Variants in FCRL2 observed in about 807,000 individuals in gnomAD.
FCRL2 encodes the protein Fc receptor like 2, also known as Fc receptor-like protein 2.
FCRL2 carries 48 observed loss-of-function variants against 59.8 expected under a neutral mutation model. That is an observed-to-expected ratio of 0.80 (90% CI 0.64 to 1.02). FCRL2 has a LOEUF of 1.02. Ranked by LOEUF, FCRL2 falls within the 50% of genes least tolerant of loss-of-function variation. FCRL2 has a pLI of 0.00. For synonymous variants in FCRL2, 251 were observed against 229.5 expected (o/e 1.09, Z -0.85); for missense variants, 658 against 597.3 (o/e 1.10, Z -1.06).
chr1:157,767,648 T>G, intron 5 of FCRL2, 139 bp from the exon 6 acceptor site: 1 of 1,605,862 alleles, frequency 6.2e-7, no homozygotes, highest in Non-Finnish European at 8.5e-7. Flanking sequence ...ACTAGAACAG[T>G]TAGAGATAAT....
At chr1:157,764,257 G>A (rs1649332982) in intron 7 of FCRL2, among the ~76,000 whole-genome samples, 1 of 151,604 alleles carries the variant, frequency 6.6e-6, no homozygotes. Flanking sequence ...AAAATAAAGG[G>A]ATCAATCCAG....
intron 10 of FCRL2, among the ~76,000 whole-genome samples, chr1:157,747,141 T>G (rs1647809093): frequency 6.6e-6 from 1 of 152,222 alleles, no homozygotes; most frequent in African/African-American, 2.4e-5. Flanking sequence ...CAACTTCCCA[T>G]AGGTCATTGT....
intron 2 of FCRL2, 22 bp from the exon 3 acceptor site, chr1:157,770,688 C>A: frequency 6.2e-7 from 1 of 1,612,946 alleles, no homozygotes; most frequent in Non-Finnish European, 8.5e-7. Context: ...GGAGGGAAAC[C>A]GGATTTGCCA....
chr1:157,769,873 G>C lies in FCRL2; in HGVS notation c.588C>G (p.His196Gln), dbSNP rs1265985762. Reference sequence around the variant, plus strand: ...AGCCTCACTGATACTTGCTCTGCACGTGAATCTGGGATTGGAGGCTCTGTT... The same window carrying C: ...AGCCTCACTGATACTTGCTCTGCACCTGAATCTGGGATTGGAGGCTCTGTT... ...IRKQSLQSQI[H>Q]VQRIPISNVS... is the part of the protein sequence containing the mutation. The change falls in exon 4 of 12, where the codon CAC (histidine) becomes CAG (glutamine). Residue 196 changes from histidine (H) to glutamine (Q), a missense_variant. By Grantham distance (24) the His-to-Gln change is conservative. Transcript: ENST00000361516. 1 of 1,613,618 alleles carries C rather than the reference G, an allele frequency of 6.2e-7. No homozygotes were observed. The highest frequency in any genetic ancestry group is 8.5e-7 in the Non-Finnish European group (1 of 1,179,734).
At chr1:157,767,011 G>A in intron 6 of FCRL2, 40 bp from the exon 7 acceptor site, 4 of 1,547,238 alleles carry the variant, frequency 2.6e-6, no homozygotes, top group Non-Finnish European at 3.5e-6. Context: ...AGAGGTTTAA[G>A]ACTTGGGCCC....
At chr1:157,750,160 G>A (rs940834589) in intron 7 of FCRL2, among the ~76,000 whole-genome samples, 1 of 152,194 alleles carries the variant, frequency 6.6e-6, no homozygotes, top group Non-Finnish European at 1.5e-5. Context: ...ACATTCGTAA[G>A]GCGAACTAGG....
intron 2 of FCRL2, among the ~76,000 whole-genome samples, chr1:157,775,335 G>C (rs375516317): frequency 5.3e-4 from 80 of 152,330 alleles, no homozygotes; most frequent in African/African-American, 1.8e-3. Context: ...AGCTAGAGAA[G>C]CAATGAGGAC....
At position 157,768,413 on chromosome 1, in the gene FCRL2, C is replaced by T. The variant is rs138708903; in HGVS notation, c.883+1G>A. The stretch of plus-strand genomic sequence containing the variant: ...AAGATATGAATGAGAGTGTCACTCA[C>T]TTCTCACAGGGATATTCACCACCTT... On this transcript the variant is annotated splice_donor_variant, in intron 5 of 11. Coordinates refer to ENST00000361516, the MANE Select transcript of FCRL2 (RefSeq NM_030764.4). LOFTEE classifies it high-confidence loss of function. 20 of 1,612,144 alleles carry T rather than the reference C, an allele frequency of 1.2e-5. No individual in the cohort carries two copies. The Middle Eastern group carries it at 6.6e-4, about 53-fold the overall frequency.
chr1:157,756,048 C>T (rs1648565323), intron 7 of FCRL2, among the ~76,000 whole-genome samples: 1 of 152,084 alleles, frequency 6.6e-6, no homozygotes, highest in South Asian at 2.1e-4. Flanking sequence ...CTGAAAGGGA[C>T]TATGTTAATA....
intron 7 of FCRL2, among the ~76,000 whole-genome samples, chr1:157,752,899 T>C (rs1230131681): frequency 6.6e-6 from 1 of 152,190 alleles, no homozygotes; most frequent in Non-Finnish European, 1.5e-5. Context: ...ACACTGATTA[T>C]ATTGTTTGTA....
At chr1:157,750,305 T>C (rs1175918148) in intron 7 of FCRL2, among the ~76,000 whole-genome samples, 1 of 152,240 alleles carries the variant, frequency 6.6e-6, no homozygotes, top group Non-Finnish European at 1.5e-5. Context: ...CCTCCATTAA[T>C]ACCTCAGGAA....
At chr1:157,770,333 T>C in intron 3 of FCRL2, 76 bp downstream of exon 3, 1 of 1,531,650 alleles carries the variant, frequency 6.5e-7, no homozygotes, top group African/African-American at 1.4e-5. Context: ...TGAGCAGCTT[T>C]CCCCTACCCA....
At chr1:157,748,845 C>T (rs1475377267) in intron 9 of FCRL2, 30 bp downstream of exon 9, 1 of 1,603,050 alleles carries the variant, frequency 6.2e-7, no homozygotes, top group South Asian at 1.1e-5. Flanking sequence ...CTGACTCAGC[C>T]TCAGAGCCCT....
intron 8 of FCRL2, 152 bp from the exon 9 acceptor site, chr1:157,749,112 G>C: frequency 3.6e-6 from 2 of 558,418 alleles, no homozygotes; most frequent in Non-Finnish European, 6.2e-6. Flanking sequence ...TATCTACTTT[G>C]ATATGGCCAA....
Position 157,769,878 on chromosome 1 carries a change from T to A in FCRL2, c.583A>T (p.Ile195Phe). 1 of 1,613,908 alleles carries A rather than the reference T, an allele frequency of 6.2e-7. No individual in the cohort carries two copies. The highest frequency in any genetic ancestry group is 8.5e-7 in the Non-Finnish European group (1 of 1,179,798). Residue 195 changes from isoleucine (I) to phenylalanine (F), a missense_variant, in exon 4 of 12, where the codon ATT (isoleucine) becomes TTT (phenylalanine). Coordinates refer to ENST00000361516, the MANE Select transcript of FCRL2 (RefSeq NM_030764.4). Reference sequence around the variant, plus strand: ...CACTGATACTTGCTCTGCACGTGAATCTGGGATTGGAGGCTCTGTTTTCTG... The same window carrying A: ...CACTGATACTTGCTCTGCACGTGAAACTGGGATTGGAGGCTCTGTTTTCTG... The part of the protein sequence containing the change: ...RIRKQSLQSQ[I>F]HVQRIPISNV...
At chr1:157,760,013 T>C (rs1648899426) in intron 7 of FCRL2, among the ~76,000 whole-genome samples, 5 of 152,214 alleles carry the variant, frequency 3.3e-5, no homozygotes, top group Non-Finnish European at 4.4e-5. Context: ...TGTAGCACTA[T>C]TCACAATAGC....
chr1:157,762,346 G>T (rs1438316548), intron 7 of FCRL2, among the ~76,000 whole-genome samples: 1 of 152,198 alleles, frequency 6.6e-6, no homozygotes, highest in Non-Finnish European at 1.5e-5. Context: ...AAACCATGCT[G>T]GCTGCCCAGG....
rs1649208213 is a variant in FCRL2, at chr1:157,762,883, T to A, written c.1279+3972A>T. ...AAGGAGAAATAAAATCTTTTCCAGATAAGCAAAAGCTGATACAGTTCATCA... is the reference window on the plus strand; with the variant it reads ...AAGGAGAAATAAAATCTTTTCCAGAAAAGCAAAAGCTGATACAGTTCATCA... On this transcript the variant is annotated intron_variant, in intron 7 of 11. Transcript: ENST00000361516. 2.0e-5 allele frequency among the ~76,000 whole-genome samples: 3 copies of A among 152,304 alleles called. No homozygotes were observed. In the South Asian group the frequency reaches 6.2e-4, roughly 32 times the overall value.
At chr1:157,773,875 T>C (rs1421157812) in intron 2 of FCRL2, among the ~76,000 whole-genome samples, 1 of 151,948 alleles carries the variant, frequency 6.6e-6, no homozygotes, top group African/African-American at 2.4e-5. Flanking sequence ...CCTGCAGAGG[T>C]GCCCAATAGA....
Sources: gnomAD v4.1 joint callset for allele counts (sites outside exome capture counted in the v4.1 genomes callset) on GRCh38, gnomAD v4.1.1 for gene constraint, MANE v1.5 for transcripts, NCBI Gene and HGNC (gene_info 2026-07-23, HGNC 2026-07-21) for gene names.